Variants in MMRN1 observed in about 807,000 individuals in gnomAD.
MMRN1 encodes multimerin 1, also known as multimerin-1.
A neutral mutation model predicts 100.7 loss-of-function variants in MMRN1; 94 were observed. The observed-to-expected ratio is 0.93, with a 90% confidence interval of 0.79 to 1.11. MMRN1 has a LOEUF of 1.11. Ranked by LOEUF, MMRN1 falls within the 50% of genes least tolerant of loss-of-function variation. The pLI is 0.00. For missense variants in MMRN1, 1,606 were observed against 1,439.1 expected (o/e 1.12, Z -1.88); for synonymous variants, 575 against 505.0 (o/e 1.14, Z -1.86).
At chr4:89,931,592 T>G (rs956531089) in intron 5 of MMRN1, among the ~76,000 whole-genome samples, 1 of 152,162 alleles carries the variant, frequency 6.6e-6, no homozygotes, top group Non-Finnish European at 1.5e-5. Context: ...AAAAGAGGTT[T>G]GATGGACTCA....
Position 89,927,955 on chromosome 4 carries a change from A to G in MMRN1, c.1116A>G (p.Gln372=), listed in dbSNP as rs2110622246. Residue 372 remains glutamine, a synonymous_variant, in exon 5 of 8, where the codon CAA becomes CAG. Coordinates refer to ENST00000264790, the MANE Select transcript of MMRN1 (RefSeq NM_007351.3). ...GCGAAGATAAAAGCAGAGAATTTCAATCTCTTCTAAAAGGTAAAAATGAAA... is the reference window on the plus strand; with the variant it reads ...GCGAAGATAAAAGCAGAGAATTTCAGTCTCTTCTAAAAGGTAAAAATGAAA... ...KVSEDKSREF[Q]SLLKGLKSKS... The G allele has an allele frequency of 1.9e-6, 3 of 1,593,610 alleles. No homozygotes were observed. The highest frequency in any genetic ancestry group is 2.6e-6 in the Non-Finnish European group (3 of 1,170,836).
At position 89,898,886 on chromosome 4, in the gene MMRN1, G is replaced by A. The variant is rs552047520; in HGVS notation, c.623+3292G>A. 2.4e-4 allele frequency among the ~76,000 whole-genome samples: 37 copies of A among 152,144 alleles called. 2 individuals are homozygous for A. In the South Asian group the frequency reaches 6.4e-3, roughly 26 times the overall value. ...ACATAATAATCATAATGAATTTGTA[G>A]TATCTTTGCATATAGGGACTTATTT... On this transcript the variant is annotated intron_variant, in intron 1 of 7. Transcript: ENST00000264790.
chr4:89,939,093 C>T (rs181156170), intron 6 of MMRN1, among the ~76,000 whole-genome samples: 273 of 152,188 alleles, frequency 1.8e-3, no homozygotes, highest in African/African-American at 6.3e-3. Context: ...TGGACTCAGG[C>T]TAAGTTCTCC....
chr4:89,939,908 A>G (rs1722769917), intron 6 of MMRN1, among the ~76,000 whole-genome samples: 1 of 152,106 alleles, frequency 6.6e-6, no homozygotes, highest in Admixed American at 6.6e-5. Context: ...GTGGGTACTT[A>G]TTGAAAGTCA....
intron 3 of MMRN1, among the ~76,000 whole-genome samples, chr4:89,912,705 A>AAATG (rs1223370522): frequency 6.6e-6 from 1 of 151,334 alleles, no homozygotes; most frequent in Non-Finnish European, 1.5e-5. Flanking sequence ...TACATATTTT[A>AAATG]AATGAATGAA....
intron 2 of MMRN1, among the ~76,000 whole-genome samples, chr4:89,910,536 G>C (rs1320937062): frequency 6.6e-6 from 1 of 151,070 alleles, no homozygotes; most frequent in Non-Finnish European, 1.5e-5. Context: ...TTATGTCTGA[G>C]CTACATGCAA....
At chr4:89,889,550 G>A (rs1721004954) in intron 1 of MMRN1, among the ~76,000 whole-genome samples, 1 of 152,044 alleles carries the variant, frequency 6.6e-6, no homozygotes, top group Non-Finnish European at 1.5e-5. Context: ...TGGGAGCCAG[G>A]GGACACCTCA....
rs368641237 is a variant in MMRN1 at position 89,936,087 on chromosome 4, G to A, written c.2407G>A (p.Ala803Thr). ...NQRYNFVLQV[A>T]KTLAGIPRDE... Reference sequence around the variant, plus strand: ...GAGATATAACTTTGTTTTGCAAGTCGCCAAGACCCTTGCAGGTATTCCCAG... The same window carrying A: ...GAGATATAACTTTGTTTTGCAAGTCACCAAGACCCTTGCAGGTATTCCCAG... Residue 803 changes from alanine to threonine, a missense_variant, in exon 6 of 8, where the codon GCC (alanine) becomes ACC (threonine). By Grantham distance (58) the Ala-to-Thr change is moderately conservative. Coordinates refer to ENST00000264790, the MANE Select transcript of MMRN1 (RefSeq NM_007351.3). 3 of 1,611,968 alleles carry A rather than the reference G, an allele frequency of 1.9e-6. No individual in the cohort carries two copies. Among genetic ancestry groups the A allele is most frequent in the Non-Finnish European group, 2.5e-6 (3 of 1,179,318 alleles).
chr4:89,905,524 C>A (rs1721539489), intron 1 of MMRN1, among the ~76,000 whole-genome samples: 1 of 151,418 alleles, frequency 6.6e-6, no homozygotes, highest in African/African-American at 2.4e-5. Context: ...AGATCTTATA[C>A]TTTCTCAAGT....
intron 1 of MMRN1, among the ~76,000 whole-genome samples, chr4:89,906,532 T>C (rs1721570040): frequency 6.6e-6 from 1 of 151,520 alleles, no homozygotes; most frequent in African/African-American, 2.4e-5. Context: ...CTGCTCTCCA[T>C]CCACCATAAT....
intron 3 of MMRN1, among the ~76,000 whole-genome samples, chr4:89,913,950 T>C (rs1721834689): frequency 6.6e-6 from 1 of 151,462 alleles, no homozygotes; most frequent in Non-Finnish European, 1.5e-5. Context: ...GATTCCAAAA[T>C]AGCCTCCTGT....
At chr4:89,881,329 T>G (rs900957898) in intron 1 of MMRN1, among the ~76,000 whole-genome samples, 3 of 152,120 alleles carry the variant, frequency 2.0e-5, no homozygotes, top group Admixed American at 6.6e-5. Flanking sequence ...ATTTCTTAAA[T>G]GTAGGACCTG....
chr4:89,894,012 A>G (rs574487955), upstream of MMRN1, among the ~76,000 whole-genome samples: 2 of 152,108 alleles, frequency 1.3e-5, no homozygotes, highest in Non-Finnish European at 2.9e-5. Context: ...AACTGGCATA[A>G]TTTTGTCCTA....
At chr4:89,910,948 A>G (rs768018083) in intron 2 of MMRN1, among the ~76,000 whole-genome samples, 1 of 151,448 alleles carries the variant, frequency 6.6e-6, no homozygotes, top group Non-Finnish European at 1.5e-5. Flanking sequence ...GGCAAACTCC[A>G]GGATAATAAC....
At chr4:89,943,508 C>A (rs1361912814) in intron 6 of MMRN1, among the ~76,000 whole-genome samples, 1 of 152,158 alleles carries the variant, frequency 6.6e-6, no homozygotes, top group Non-Finnish European at 1.5e-5. Flanking sequence ...TGTGCTAAAA[C>A]TTCTTAAAGC....
At chr4:89,924,640 C>T (rs150988749) in intron 4 of MMRN1, among the ~76,000 whole-genome samples, 2,259 of 151,480 alleles carry the variant, frequency 0.015, 66 homozygotes, top group African/African-American at 0.051. Flanking sequence ...GTGAGAAGAT[C>T]GAAAACATCC....
chr4:89,937,548 C>G (rs1722685560), intron 6 of MMRN1, among the ~76,000 whole-genome samples: 1 of 152,030 alleles, frequency 6.6e-6, no homozygotes, highest in African/African-American at 2.4e-5. Flanking sequence ...AATCTTGATT[C>G]TGGTCCTAGA....
At chr4:89,914,035 A>G (rs147628714) in intron 3 of MMRN1, among the ~76,000 whole-genome samples, 266 of 151,444 alleles carry the variant, frequency 1.8e-3, no homozygotes, top group African/African-American at 5.7e-3. Context: ...TGAATTTTCT[A>G]TTAGTGCAAT....
intron 6 of MMRN1, among the ~76,000 whole-genome samples, chr4:89,942,808 G>A (rs6837483): frequency 5.3e-5 from 8 of 151,792 alleles, no homozygotes; most frequent in Non-Finnish European, 7.4e-5. Flanking sequence ...AAAAATGATC[G>A]CATGTTGTGC....
Sources: gnomAD v4.1 joint callset for allele counts (sites outside exome capture counted in the v4.1 genomes callset) on GRCh38, gnomAD v4.1.1 for gene constraint, MANE v1.5 for transcripts, NCBI Gene and HGNC (gene_info 2026-07-23, HGNC 2026-07-21) for gene names.